FXR1: variants seen among roughly 807,000 people sequenced by gnomAD.
FXR1 encodes FMR1 autosomal homolog 1, also known as RNA-binding protein FXR1.
Under a neutral mutation model 84.0 loss-of-function variants are expected in FXR1, and 15 were observed. That is an observed-to-expected ratio of 0.18 (90% confidence interval 0.12 to 0.27). The LOEUF is 0.27. Ranked by LOEUF, FXR1 falls within the 10% of genes least tolerant of loss-of-function variation. The pLI, the probability that FXR1 is intolerant of heterozygous loss-of-function variation, is 1.00. For missense variants in FXR1, 480 were observed against 774.4 expected (o/e 0.62, Z 4.51); for synonymous variants, 245 against 250.7 (o/e 0.98, Z 0.21).
At chr3:180,941,826 A>C (rs980022939) in intron 3 of FXR1, among the ~76,000 whole-genome samples, 1 of 152,206 alleles carries the variant, frequency 6.6e-6, no homozygotes, top group African/African-American at 2.4e-5. Context: ...TAGAGAAATC[A>C]TACATGTTCA....
chr3:180,927,659 A>C, intron 1 of FXR1: 1 of 542,760 alleles, frequency 1.8e-6, no homozygotes, highest in Non-Finnish European at 3.2e-6. Flanking sequence ...CCATTTAAGC[A>C]CCCGTCTAAA....
chr3:180,937,410 TC>T (rs1217150169), intron 3 of FXR1, among the ~76,000 whole-genome samples: 1 of 152,144 alleles, frequency 6.6e-6, no homozygotes, highest in Non-Finnish European at 1.5e-5. Context: ...GGAGGGTCCT[TC>T]CCTGTTCCTG....
intron 13 of FXR1, among the ~76,000 whole-genome samples, chr3:180,966,010 G>A (rs1712779828): frequency 6.6e-6 from 1 of 152,034 alleles, no homozygotes; most frequent in African/African-American, 2.4e-5. Flanking sequence ...TTCTTCATTT[G>A]CCCTGAATTT....
At position 180,980,154 on chromosome 3, in the gene FXR1, G is replaced by T. The variant is rs1224119296; in HGVS notation, c.*3862G>T. 6.6e-6 allele frequency: 1 copy of T among 152,024 alleles called. No homozygotes were observed. Among genetic ancestry groups the T allele is most frequent in the Non-Finnish European group, 1.5e-5 (1 of 67,940 alleles). The allele number at this position is 152,024 out of a possible 1,614,324, so 9.4% of individuals were successfully genotyped here. A position where few individuals can be genotyped will look rare whatever the true frequency, so the allele number is the denominator to read the frequency against. Reference sequence around the variant, plus strand: ...TGAGTCTAGTCACATGTCAGACCCTGAGCAACACCTAACCAAATGCCCAAG... The same window carrying T: ...TGAGTCTAGTCACATGTCAGACCCTTAGCAACACCTAACCAAATGCCCAAG... On this transcript the variant is annotated 3_prime_UTR_variant, in exon 17 of 17. Coordinates refer to ENST00000357559, the MANE Select transcript of FXR1 (RefSeq NM_005087.4).
intron 3 of FXR1, among the ~76,000 whole-genome samples, chr3:180,945,878 A>G (rs968794312): frequency 1.1e-4 from 17 of 152,268 alleles, no homozygotes; most frequent in Admixed American, 1.1e-3. Flanking sequence ...ATTGTTTGAG[A>G]ACAATGTTTG....
In FXR1 at chr3:180,933,364, C is replaced by G; in HGVS notation, c.82C>G (p.Leu28Val). The G allele has an allele frequency of 6.3e-7, 1 of 1,576,742 alleles. No individual in the cohort carries two copies. Among genetic ancestry groups the G allele is most frequent in the Non-Finnish European group, 8.7e-7 (1 of 1,146,562 alleles). Residue 28 changes from leucine (L) to valine (V), a missense_variant, in exon 2 of 17, where the codon CTT becomes GTT. By Grantham distance (32) the Leu-to-Val change is conservative. This residue lies in a region of FXR1 where 54 missense variants were observed against 74.2 expected (regional missense o/e 0.73). Coordinates refer to ENST00000357559, the MANE Select transcript of FXR1 (RefSeq NM_005087.4). ...TATCAAAGATGTTCATGAAGACTCC[C>G]TTACAGTTGTTTTTGAAAATAAGTA... Reference protein sequence around the residue: ...GFIKDVHEDSLTVVFENNWQP... With the variant: ...GFIKDVHEDSVTVVFENNWQP...
At chr3:180,950,986 G>A (rs1289268510) in intron 7 of FXR1, among the ~76,000 whole-genome samples, 1 of 152,078 alleles carries the variant, frequency 6.6e-6, no homozygotes, top group African/African-American at 2.4e-5. Context: ...GCTGAAGTGG[G>A]AGGATTGCTT....
At chr3:180,965,965 A>G (rs1712773977) in intron 13 of FXR1, among the ~76,000 whole-genome samples, 1 of 152,126 alleles carries the variant, frequency 6.6e-6, no homozygotes, top group Admixed American at 6.6e-5. Flanking sequence ...GGATACTTCA[A>G]TATGAACTTT....
At chr3:180,918,190 AAGATAAT>A (rs1718134712) in intron 1 of FXR1, among the ~76,000 whole-genome samples, 3 of 152,170 alleles carry the variant, frequency 2.0e-5, no homozygotes, top group Admixed American at 1.3e-4. Context: ...TGCCTTCTGT[AAGATAAT>A]AGTTTAAGAT....
chr3:180,915,735 TATC>T, intron 1 of FXR1: 1 of 688,954 alleles, frequency 1.5e-6, no homozygotes. Flanking sequence ...CAAAGTCAGT[TATC>T]ATGCCTTGAG....
rs150882280 is a variant in FXR1, at chr3:180,936,356, T to C, written c.198+1125T>C. Among the ~76,000 whole-genome samples the C allele has an allele frequency of 6.3e-3, 938 of 149,040 alleles. 10 individuals carry two copies. In the Middle Eastern group the frequency reaches 0.079, roughly 13 times the overall value. ...AATCTCAGTTCACTCCAACCTCCTC[T>C]TCCCAGGTTCAAGCGATTCTCCTGC... On this transcript the variant is annotated intron_variant, in intron 3 of 16. Transcript: ENST00000357559.
chr3:180,917,418 ATAT>A (rs922935068), intron 1 of FXR1, among the ~76,000 whole-genome samples: 1 of 152,190 alleles, frequency 6.6e-6, no homozygotes, highest in Admixed American at 6.5e-5. Flanking sequence ...AATTGTCTTA[ATAT>A]TAGGCCACCC....
At chr3:180,972,464 GT>G (rs2108496004) in intron 15 of FXR1, among the ~76,000 whole-genome samples, 1 of 152,274 alleles carries the variant, frequency 6.6e-6, no homozygotes, top group South Asian at 2.1e-4. Context: ...AAAAAAAAAT[GT>G]TTTAGATGAA....
At position 180,946,589 on chromosome 3, in the gene FXR1, AC is replaced by A. The variant is rs571050044; in HGVS notation, c.199-1273del. Among the ~76,000 whole-genome samples, 237 of 152,326 alleles carry A rather than the reference AC, an allele frequency of 1.6e-3. 2 individuals carry two copies. Among genetic ancestry groups the A allele is most frequent in the African/African-American group, 5.6e-3 (231 of 41,584 alleles). On this transcript the variant is annotated intron_variant, in intron 3 of 16. Transcript: ENST00000357559. ...GAAAAGCTAAAATTGAGTTTAACGGACCCTGATTGGTATATTGGACTTCCTG... is the reference window on the plus strand; with the variant it reads ...GAAAAGCTAAAATTGAGTTTAACGGACCTGATTGGTATATTGGACTTCCTG...
At chr3:180,944,044 G>T (rs537342971) in intron 3 of FXR1, among the ~76,000 whole-genome samples, 12 of 152,086 alleles carry the variant, frequency 7.9e-5, no homozygotes, top group East Asian at 3.9e-4. Flanking sequence ...AGCCTCCCGA[G>T]TAGCTGGGAT....
chr3:180,940,447 C>T (rs1288961934), intron 3 of FXR1, among the ~76,000 whole-genome samples: 1 of 152,156 alleles, frequency 6.6e-6, no homozygotes, highest in East Asian at 1.9e-4. Flanking sequence ...CCTCATTTCA[C>T]ATGTAACATT....
Position 180,957,895 on chromosome 3 carries a change from AG to A in FXR1, c.961del (p.Asp321ThrfsTer31). The A allele has an allele frequency of 6.4e-7, 1 of 1,566,786 alleles. No homozygotes were observed. The highest frequency in any genetic ancestry group is 8.8e-7 in the Non-Finnish European group (1 of 1,141,300). ...KSGVVRVRIEGDNENKLPRED... is the reference protein window; with the variant it reads ...KSGVVRVRIEXDNENKLPRED... ...CTGGTGTGGTTCGAGTGAGAATTGA[AG>A]GGGACAATGAAAATAAATTACCCAG... On this transcript the variant is annotated frameshift_variant, in exon 10 of 17. Transcript: ENST00000357559. LOFTEE classifies it high-confidence loss of function.
At chr3:180,951,499 A>G (rs1157959333) in intron 8 of FXR1, 31 bp downstream of exon 8, 2 of 1,470,386 alleles carry the variant, frequency 1.4e-6, no homozygotes, top group African/African-American at 1.4e-5. Flanking sequence ...CTTGGCCTTT[A>G]GTGTATTAAC....
intron 3 of FXR1, among the ~76,000 whole-genome samples, chr3:180,938,880 A>C (rs1720821113): frequency 6.7e-6 from 1 of 150,130 alleles, no homozygotes; most frequent in Non-Finnish European, 1.5e-5. Flanking sequence ...TTTTTTTCTT[A>C]GGCAATTTTT....
Sources: allele counts gnomAD v4.1 joint callset (sites outside exome capture counted in the v4.1 genomes callset), GRCh38; gene constraint gnomAD v4.1.1; regional missense constraint gnomAD v4.1.1; transcripts MANE v1.5; gene names NCBI Gene and HGNC (gene_info 2026-07-23, HGNC 2026-07-21).